The following OXSR1 variants were observed in gnomAD, a reference collection of about 807,000 sequenced individuals.
The protein encoded by OXSR1 is serine/threonine-protein kinase OSR1.
OXSR1 carries 24 observed loss-of-function variants against 79.8 expected under a neutral mutation model. That is an observed-to-expected ratio of 0.30 (90% CI 0.22 to 0.42). The LOEUF is 0.42. OXSR1 is among the 10% of genes least tolerant of loss of function. The probability of loss-of-function intolerance (pLI) is 1.00; values close to 1 mark genes in which losing one functional copy is unlikely to be tolerated. For missense variants in OXSR1, 430 were observed against 618.4 expected, an observed-to-expected ratio of 0.70 and a Z score of 3.23; for synonymous variants, 226 against 209.2, an observed-to-expected ratio of 1.08 and a Z score of -0.69.
chr3:38,214,186 T>TTTC (rs1363334771), intron 4 of OXSR1, among the ~76,000 whole-genome samples: 51 of 151,502 alleles, frequency 3.4e-4, no homozygotes, highest in African/African-American at 1.2e-3. Context: ...TTTTTTTTTT[T>TTTC]CCCAGGAAGA....
chr3:38,226,724 A>T (rs1165688411), intron 8 of OXSR1, among the ~76,000 whole-genome samples: 1 of 152,026 alleles, frequency 6.6e-6, no homozygotes, highest in Admixed American at 6.6e-5. Context: ...ATGCAGCAAG[A>T]TACCTGACCA....
Position 38,254,439 on chromosome 3 carries a change from G to A in OXSR1, c.*1548G>A, listed in dbSNP as rs901294147. On this transcript the variant is annotated 3_prime_UTR_variant, in exon 18 of 18. Coordinates refer to ENST00000311806, the MANE Select transcript of OXSR1 (RefSeq NM_005109.3). ...ATGGATGTTGGGGAGGAAGAGAGGA[G>A]ATGGATTTCAGTTGGGAGTTAGGAG... 3 of 389,322 alleles carry A rather than the reference G, an allele frequency of 7.7e-6. No individual in the cohort carries two copies. The highest frequency in any genetic ancestry group is 1.4e-5 in the Non-Finnish European group (3 of 220,642). 24.1% of individuals were successfully genotyped at this position (389,322 alleles called of 1,614,324 possible). A position where few individuals can be genotyped will look rare whatever the true frequency, so the allele number is the denominator to read the frequency against.
intron 3 of OXSR1, among the ~76,000 whole-genome samples, chr3:38,193,992 G>A (rs893142669): frequency 2.6e-5 from 4 of 152,034 alleles, no homozygotes; most frequent in Non-Finnish European, 5.9e-5. Context: ...GCAACATTTA[G>A]AAAACAAAAG....
At chr3:38,184,086 G>A (rs1220727100) in intron 2 of OXSR1, among the ~76,000 whole-genome samples, 1 of 152,016 alleles carries the variant, frequency 6.6e-6, no homozygotes, top group Admixed American at 6.6e-5. Context: ...TAGAAAGGTC[G>A]GGTATTAGAA....
chr3:38,247,998 G>A (rs1322837656), intron 14 of OXSR1, among the ~76,000 whole-genome samples: 1 of 152,116 alleles, frequency 6.6e-6, no homozygotes. Flanking sequence ...TTACAGTGTA[G>A]CTAGTTTGGG....
At chr3:38,185,620 A>G (rs1267899941) in intron 2 of OXSR1, among the ~76,000 whole-genome samples, 1 of 151,056 alleles carries the variant, frequency 6.6e-6, no homozygotes. Flanking sequence ...AAACTTATAT[A>G]ATGCAAGATT....
In OXSR1 at chr3:38,165,785, C is replaced by T; in HGVS notation, c.-92C>T. On this transcript the variant is annotated 5_prime_UTR_variant, in exon 1 of 18. Transcript: ENST00000311806. The stretch of plus-strand genomic sequence containing the variant: ...ACGATTGGTGGGGGCGCGGCGGCGG[C>T]GGCGGCGGCTGTTGGGGGTGGGGAG... 25 of 1,142,310 alleles carry T rather than the reference C, an allele frequency of 2.2e-5. No individual in the cohort carries two copies. In the South Asian group the frequency reaches 2.8e-4, roughly 13 times the overall value. 70.8% of individuals were successfully genotyped at this position (1,142,310 alleles called of 1,614,324 possible). A position where few individuals can be genotyped will look rare whatever the true frequency, so the allele number is the denominator to read the frequency against.
chr3:38,203,911 C>A (rs898933583), intron 4 of OXSR1, among the ~76,000 whole-genome samples: 2 of 152,192 alleles, frequency 1.3e-5, no homozygotes, highest in Admixed American at 1.3e-4. Context: ...GCCTGTGTTC[C>A]TCCTTTCATG....
chr3:38,253,707 G>A lies in OXSR1; in HGVS notation c.*816G>A, dbSNP rs1260078691. ...CAGGAAAATCATAATTCATATCATT[G>A]GAGAAGTATTTATTTTCAAATATCA... On this transcript the variant is annotated 3_prime_UTR_variant, in exon 18 of 18. Transcript: ENST00000311806. 1 of 153,524 alleles carries A rather than the reference G, an allele frequency of 6.5e-6. No individual in the cohort carries two copies. Among genetic ancestry groups the A allele is most frequent in the Non-Finnish European group, 1.5e-5 (1 of 68,778 alleles). 9.5% of individuals were successfully genotyped at this position (153,524 alleles called of 1,614,324 possible).
At chr3:38,239,669 C>T (rs1177056068) in intron 11 of OXSR1, among the ~76,000 whole-genome samples, 1 of 152,194 alleles carries the variant, frequency 6.6e-6, no homozygotes, top group Non-Finnish European at 1.5e-5. Flanking sequence ...CTCACATGCA[C>T]TCGTTGATAA....
intron 17 of OXSR1, 73 bp from the exon 18 acceptor site, chr3:38,252,744 C>A: frequency 1.7e-6 from 2 of 1,190,300 alleles, no homozygotes; most frequent in Non-Finnish European, 2.5e-6. Context: ...CCCACTATCC[C>A]ATGTCTGTTT....
intron 1 of OXSR1, 105 bp from the exon 2 acceptor site, chr3:38,182,898 A>G (rs992531660): frequency 6.5e-6 from 4 of 615,456 alleles, no homozygotes; most frequent in Admixed American, 6.4e-5. Context: ...TATGCGCTGT[A>G]GGAACAAGAT....
chr3:38,230,339 A>G (rs370737519), intron 9 of OXSR1, 26 bp from the exon 10 acceptor site: 1 of 1,490,950 alleles, frequency 6.7e-7, no homozygotes, highest in Non-Finnish European at 9.3e-7. Flanking sequence ...ACTTGTAAGA[A>G]CAAAATACTT....
chr3:38,198,951 A>G (rs965743035), intron 4 of OXSR1, 88 bp downstream of exon 4: 5 of 1,129,476 alleles, frequency 4.4e-6, no homozygotes, highest in African/African-American at 3.1e-5. Flanking sequence ...GACTGTTATC[A>G]TAGCTCTTTG....
intron 16 of OXSR1, 46 bp from the exon 17 acceptor site, chr3:38,252,282 T>A (rs1288156683): frequency 1.4e-5 from 18 of 1,298,772 alleles, no homozygotes; most frequent in African/African-American, 2.9e-5. Context: ...GAAAGTGGAT[T>A]TATGTAACTT....
At chr3:38,231,825 A>C (rs1475386196) in intron 10 of OXSR1, among the ~76,000 whole-genome samples, 1 of 152,142 alleles carries the variant, frequency 6.6e-6, no homozygotes, top group Non-Finnish European at 1.5e-5. Flanking sequence ...AAGAAGAGTA[A>C]GTTGGGTGCA....
At chr3:38,247,303 T>C (rs531895701) in intron 13 of OXSR1, among the ~76,000 whole-genome samples, 2 of 152,290 alleles carry the variant, frequency 1.3e-5, no homozygotes, top group African/African-American at 4.8e-5. Flanking sequence ...GTCTACCTTT[T>C]GTACTGCCAT....
intron 10 of OXSR1, among the ~76,000 whole-genome samples, chr3:38,231,405 G>T (rs1228736711): frequency 1.3e-5 from 2 of 151,506 alleles, no homozygotes; most frequent in Non-Finnish European, 2.9e-5. Context: ...TAGTGGATGA[G>T]ACCTGGACAA....
At chr3:38,230,487 A>T (rs778258173) in intron 10 of OXSR1, 57 bp downstream of exon 10, 2 of 1,136,842 alleles carry the variant, frequency 1.8e-6, no homozygotes, top group Non-Finnish European at 2.7e-6. Context: ...TTGCATTTTG[A>T]AAACATGTTA....
Sources: allele counts gnomAD v4.1 joint callset (sites outside exome capture counted in the v4.1 genomes callset), GRCh38; gene constraint gnomAD v4.1.1; transcripts MANE v1.5; gene names NCBI Gene and HGNC (gene_info 2026-07-23, HGNC 2026-07-21).